The following CFAP58 variants were observed in gnomAD, a reference collection of about 807,000 sequenced individuals.
The protein encoded by CFAP58 is cilia and flagella associated protein 58, also known as cilia- and flagella-associated protein 58.
CFAP58 carries 88 observed loss-of-function variants against 119.5 expected under a neutral mutation model. The observed-to-expected ratio is 0.74, with a 90% CI of 0.62 to 0.88. CFAP58 has a LOEUF of 0.88. Ranked by LOEUF, CFAP58 falls within the 40% of genes least tolerant of loss-of-function variation. CFAP58 has a pLI of 0.00. For synonymous variants in CFAP58, 365 were observed against 366.3 expected, an observed-to-expected ratio of 1.00 and a Z score of 0.04; for missense variants, 990 against 1,021.2, an observed-to-expected ratio of 0.97 and a Z score of 0.42.
chr10:104,364,901 A>G lies in CFAP58; in HGVS notation c.597+12A>G. On this transcript the variant is annotated intron_variant, in intron 4 of 17. Transcript: ENST00000369704. Reference sequence around the variant, plus strand: ...ATGCCATCAGTCAGGTCTGCCATGGAGGGCAAGAAGAAGGAATATTTCCTT... The same window carrying G: ...ATGCCATCAGTCAGGTCTGCCATGGGGGGCAAGAAGAAGGAATATTTCCTT... 6.2e-7 allele frequency: 1 copy of G among 1,608,812 alleles called. No homozygotes were observed. Among genetic ancestry groups the G allele is most frequent in the Non-Finnish European group, 8.5e-7 (1 of 1,178,208 alleles).
chr10:104,376,202 C>T lies in CFAP58; in HGVS notation c.1091-609C>T, dbSNP rs145491931. Among the ~76,000 whole-genome samples, 66 of 151,966 alleles carry T rather than the reference C, an allele frequency of 4.3e-4. 2 individuals are homozygous for T. The East Asian group carries it at 0.012, about 28-fold the overall frequency. On this transcript the variant is annotated intron_variant, in intron 7 of 17. Transcript: ENST00000369704. ...GCCAGAGTCAGATTGGAAAGTAAGTCATGATATACAGCGTTAAATAAAACC... is the reference window on the plus strand; with the variant it reads ...GCCAGAGTCAGATTGGAAAGTAAGTTATGATATACAGCGTTAAATAAAACC...
At chr10:104,418,491 TGAGCCAAGATA>T (rs1474533259) in intron 15 of CFAP58, among the ~76,000 whole-genome samples, 1 of 152,186 alleles carries the variant, frequency 6.6e-6, no homozygotes, top group African/African-American at 2.4e-5. Flanking sequence ...GAGCTTGCAG[TGAGCCAAGATA>T]GAGCCACTGC....
chr10:104,362,403 C>A (rs57697665), intron 3 of CFAP58, among the ~76,000 whole-genome samples: 13,601 of 152,212 alleles, frequency 0.089, 1,338 homozygotes, highest in African/African-American at 0.25. Flanking sequence ...CCATAGGAAT[C>A]AGTAGTATAG....
Position 104,366,012 on chromosome 10 carries a change from A to G in CFAP58, c.792+4A>G. 3 of 1,591,684 alleles carry G rather than the reference A, an allele frequency of 1.9e-6. No individual in the cohort carries two copies. The highest frequency in any genetic ancestry group is 2.6e-6 in the Non-Finnish European group (3 of 1,170,936). On this transcript the variant is annotated splice_donor_region_variant and intron_variant, in intron 5 of 17. Transcript: ENST00000369704. ...GCAGCAGCTGAAGGAGCAGAAGGTG[A>G]GTTGGGTGTGGGTCTTCGCAAAAAA...
At chr10:104,352,443 C>T (rs2014471189), upstream of CFAP58, among the ~76,000 whole-genome samples, 1 of 152,190 alleles carries the variant, frequency 6.6e-6, no homozygotes, top group Non-Finnish European at 1.5e-5. Flanking sequence ...AGGTTCATGA[C>T]TTGGCTGGCG....
the CFAP58 span, among the ~76,000 whole-genome samples, chr10:104,348,220 G>A: frequency 1.3e-5 from 2 of 152,170 alleles, no homozygotes; most frequent in African/African-American, 4.8e-5. Flanking sequence ...TAGCCTCTGG[G>A]ACCTCTCTGA....
At chr10:104,363,556 C>T (rs758359295) in intron 3 of CFAP58, among the ~76,000 whole-genome samples, 59 of 152,042 alleles carry the variant, frequency 3.9e-4, no homozygotes, top group Admixed American at 1.2e-3. Context: ...AAGAGGAATG[C>T]GAGGGAACTG....
chr10:104,412,429 ATGGTTGGGCTCTCCTGTGCCTGCTG>A (rs2133056971), intron 15 of CFAP58, among the ~76,000 whole-genome samples: 1 of 152,144 alleles, frequency 6.6e-6, no homozygotes, highest in African/African-American at 2.4e-5. Flanking sequence ...AGCGTTTGGA[ATGGTTGGGCTCTCCTGTGCCTGCTG>A]TGATTTTTCT....
chr10:104,349,556 G>A (rs1564872348), upstream of CFAP58, among the ~76,000 whole-genome samples: 1 of 152,050 alleles, frequency 6.6e-6, no homozygotes, highest in Non-Finnish European at 1.5e-5. Flanking sequence ...ACATTCTGAA[G>A]TAGGGGGCAT....
At chr10:104,380,253 G>C in intron 9 of CFAP58, 33 bp downstream of exon 9, 2 of 1,573,032 alleles carry the variant, frequency 1.3e-6, no homozygotes, top group Non-Finnish European at 1.7e-6. Flanking sequence ...GGGTGGAGCA[G>C]AGGCACATTC....
intron 9 of CFAP58, among the ~76,000 whole-genome samples, chr10:104,387,744 A>C (rs889123076): frequency 4.6e-5 from 7 of 152,206 alleles, no homozygotes; most frequent in African/African-American, 1.7e-4. Context: ...AAATCTGCTG[A>C]ACATTTTTCA....
intron 9 of CFAP58, among the ~76,000 whole-genome samples, chr10:104,391,925 G>A (rs2012052202): frequency 6.6e-6 from 1 of 152,012 alleles, no homozygotes; most frequent in Admixed American, 6.6e-5. Flanking sequence ...CTTTTTTGGG[G>A]GTAGGGTGGT....
At position 104,380,031 on chromosome 10, in the gene CFAP58, C is replaced by A; in HGVS notation, c.1176C>A (p.Asn392Lys). 6.2e-7 allele frequency: 1 copy of A among 1,609,326 alleles called. No homozygotes were observed. The highest frequency in any genetic ancestry group is 8.5e-7 in the Non-Finnish European group (1 of 1,178,216). Residue 392 changes from asparagine (N) to lysine (K), a missense_variant and splice_region_variant, in exon 9 of 18, where the codon AAC becomes AAA. Coordinates refer to ENST00000369704, the MANE Select transcript of CFAP58 (RefSeq NM_001008723.2). ...CTGCTTTGTGCCCTTATTTTTAGAA[C>A]ATGCTTAAGGCGGTCAATGCGACCC... is the stretch of plus-strand genomic sequence containing the variant. ...LLRERDILNK[N>K]MLKAVNATQK...
At chr10:104,341,648 A>G in the CFAP58 span, among the ~76,000 whole-genome samples, 112 of 151,680 alleles carry the variant, frequency 7.4e-4, no homozygotes, top group African/African-American at 2.5e-3. Context: ...AAAGTAATAT[A>G]TTATTGTTTA....
chr10:104,383,753 AACACACAC>A (rs59181888), intron 9 of CFAP58, among the ~76,000 whole-genome samples: 1 of 145,848 alleles, frequency 6.9e-6, no homozygotes, highest in African/African-American at 2.6e-5. Context: ...TTTACTGTCC[AACACACAC>A]ACACACACAC....
chr10:104,420,115 G>A (rs1003242247), intron 15 of CFAP58, among the ~76,000 whole-genome samples: 1 of 130,124 alleles, frequency 7.7e-6, no homozygotes, highest in Non-Finnish European at 1.6e-5. Flanking sequence ...TTAATATGCA[G>A]ATGTTTGGGG....
intron 2 of CFAP58, among the ~76,000 whole-genome samples, chr10:104,359,061 C>A (rs954637783): frequency 1.3e-5 from 2 of 152,158 alleles, no homozygotes; most frequent in African/African-American, 4.8e-5. Flanking sequence ...TTCTTCCTAG[C>A]ACCCCTTTTC....
chr10:104,387,587 T>C (rs114501389), intron 9 of CFAP58, among the ~76,000 whole-genome samples: 132 of 152,320 alleles, frequency 8.7e-4, no homozygotes, highest in African/African-American at 3.1e-3. Flanking sequence ...GTTTTTATCC[T>C]CATGATTTTC....
At chr10:104,415,405 A>G (rs1488436780) in intron 15 of CFAP58, among the ~76,000 whole-genome samples, 1 of 152,160 alleles carries the variant, frequency 6.6e-6, no homozygotes, top group Non-Finnish European at 1.5e-5. Flanking sequence ...CATCAGAGGA[A>G]AGAGGACTGG....
Sources: allele counts gnomAD v4.1 joint callset (sites outside exome capture counted in the v4.1 genomes callset), GRCh38; gene constraint gnomAD v4.1.1; transcripts MANE v1.5; gene names NCBI Gene and HGNC (gene_info 2026-07-23, HGNC 2026-07-21).